Variants in TNRC6A observed in about 807,000 individuals in gnomAD.
The protein encoded by TNRC6A is trinucleotide repeat containing adaptor 6A.
Under a neutral mutation model 221.2 loss-of-function variants are expected in TNRC6A, and 44 were observed. The ratio of observed to expected loss-of-function variants is 0.20; its 90% CI spans 0.16 to 0.26. The LOEUF is 0.26. Among genes scored for constraint, TNRC6A ranks in the 10% least tolerant of loss-of-function variants. The probability of loss-of-function intolerance (pLI) is 1.00; values close to 1 mark genes in which losing one functional copy is unlikely to be tolerated. For synonymous variants in TNRC6A, 847 were observed against 838.5 expected (o/e 1.01, Z -0.18); for missense variants, 2,199 against 2,404.4 (o/e 0.91, Z 1.79).
chr16:24,737,315 T>G lies in TNRC6A; in HGVS notation c.53+7015T>G, dbSNP rs150346184. ...ATCAATAAGAGGAAGATGTTTGAGA[T>G]TCAAAAGGAAGTAATATTCGACTAA... On this transcript the variant is annotated intron_variant, in intron 2 of 24. Coordinates refer to ENST00000395799, the MANE Select transcript of TNRC6A (RefSeq NM_014494.4). Among the ~76,000 whole-genome samples the G allele has an allele frequency of 7.9e-5, 12 of 152,218 alleles. 1 individual carries two copies. The East Asian group carries it at 1.9e-3, about 24-fold the overall frequency.
chr16:24,664,764 C>T (rs1245966219), intron 2 of TNRC6A: 1 of 336,208 alleles, frequency 3.0e-6, no homozygotes, highest in African/African-American at 2.6e-5. Context: ...GCAGTAATCC[C>T]CAAATCACAC....
intron 2 of TNRC6A, among the ~76,000 whole-genome samples, chr16:24,687,754 A>G (rs1190153037): frequency 2.0e-5 from 3 of 151,686 alleles, no homozygotes; most frequent in Non-Finnish European, 4.4e-5. Context: ...AGCTATGATC[A>G]TGTTACTACA....
intron 2 of TNRC6A, among the ~76,000 whole-genome samples, chr16:24,738,259 C>G (rs1028540167): frequency 5.3e-5 from 8 of 152,154 alleles, no homozygotes; most frequent in African/African-American, 1.9e-4. Flanking sequence ...CTTTCAGTTT[C>G]TCTCAACTTT....
Position 24,820,282 on chromosome 16 carries a change from C to T in TNRC6A, c.5224C>T (p.Pro1742Ser). ...RPPPGLTGQK[P>S]PLSTWDNSPL... ...ACCTCCGGGACTGACTGGTCAGAAGCCACCCTTGTCTACGTGGGATAATTC... is the reference window on the plus strand; with the variant it reads ...ACCTCCGGGACTGACTGGTCAGAAGTCACCCTTGTCTACGTGGGATAATTC... The change falls in exon 22 of 25, where the codon CCA (proline) becomes TCA (serine). Residue 1742 changes from proline (P) to serine (S), a missense_variant. This residue lies in a region of TNRC6A where 449 missense variants were observed against 579.7 expected (regional missense o/e 0.77). Coordinates refer to ENST00000395799, the MANE Select transcript of TNRC6A (RefSeq NM_014494.4). 6.2e-7 allele frequency: 1 copy of T among 1,614,180 alleles called. No homozygotes were observed. The highest frequency in any genetic ancestry group is 2.2e-5 in the East Asian group (1 of 44,878).
intron 2 of TNRC6A, among the ~76,000 whole-genome samples, chr16:24,649,886 C>T (rs549846208): frequency 3.8e-5 from 5 of 130,750 alleles, no homozygotes; most frequent in Non-Finnish European, 6.2e-5. Context: ...GACAGTGGCA[C>T]AATTTTGGTT....
At chr16:24,810,176 G>T (rs2058513980) in intron 18 of TNRC6A, among the ~76,000 whole-genome samples, 1 of 152,132 alleles carries the variant, frequency 6.6e-6, no homozygotes, top group Admixed American at 6.5e-5. Context: ...TTATTGCTAT[G>T]TGTAAGTCAT....
intron 5 of TNRC6A, among the ~76,000 whole-genome samples, chr16:24,781,433 G>T (rs1181470234): frequency 2.0e-5 from 3 of 152,116 alleles, no homozygotes; most frequent in Non-Finnish European, 4.4e-5. Context: ...GGAATAGTCT[G>T]TACTTGCAGT....
At chr16:24,642,579 A>G (rs1262425925) in intron 2 of TNRC6A, among the ~76,000 whole-genome samples, 4 of 152,196 alleles carry the variant, frequency 2.6e-5, no homozygotes, top group African/African-American at 9.6e-5. Flanking sequence ...GCACTTTGGG[A>G]GGCCGAGGTG....
At chr16:24,611,504 C>A (rs2141519466) in intron 1 of TNRC6A, among the ~76,000 whole-genome samples, 1 of 152,100 alleles carries the variant, frequency 6.6e-6, no homozygotes, top group African/African-American at 2.4e-5. Context: ...ACAAGGCACT[C>A]GGACCCCAAA....
chr16:24,720,979 C>T (rs570918741), intron 2 of TNRC6A, among the ~76,000 whole-genome samples: 3 of 150,888 alleles, frequency 2.0e-5, no homozygotes, highest in East Asian at 2.0e-4. Context: ...GGCATGAACC[C>T]GGGAGGTGGA....
At chr16:24,771,561 T>TATGTATG (rs1555502085) in intron 4 of TNRC6A, among the ~76,000 whole-genome samples, 1 of 99,182 alleles carries the variant, frequency 1.0e-5, no homozygotes, top group African/African-American at 4.1e-5. Context: ...TATGTTATGT[T>TATGTATG]TTATGTTATG....
chr16:24,823,643 AACT>A lies in TNRC6A; in HGVS notation c.5726_5728del (p.Asn1909_Cys1910delinsSer). The A allele has an allele frequency of 6.2e-7, 1 of 1,613,536 alleles. No individual in the cohort carries two copies. The highest frequency in any genetic ancestry group is 8.5e-7 in the Non-Finnish European group (1 of 1,179,662). On this transcript the variant is annotated inframe_deletion, in exon 25 of 25. Transcript: ENST00000395799. The surrounding 1 kb of genome is among the most constrained non-coding windows in gnomAD (Gnocchi z 4.3). ...GAATGGTGCTGGGCTGTCGGGAACT[AACT>A]GTGGAGACCTTCACGGCACTTCACT...
intron 2 of TNRC6A, among the ~76,000 whole-genome samples, chr16:24,678,092 C>T (rs2055456534): frequency 6.6e-6 from 1 of 151,966 alleles, no homozygotes; most frequent in African/African-American, 2.4e-5. Context: ...GGTGAATTGC[C>T]TGAGCTCAGG....
At chr16:24,799,193 C>T (rs1282247792) in intron 11 of TNRC6A, among the ~76,000 whole-genome samples, 1 of 152,138 alleles carries the variant, frequency 6.6e-6, no homozygotes, top group African/African-American at 2.4e-5. Context: ...CTTCTATTTA[C>T]AAAATGTCAG....
chr16:24,621,558 G>A (rs548880073), intron 1 of TNRC6A, among the ~76,000 whole-genome samples: 13 of 151,710 alleles, frequency 8.6e-5, no homozygotes, highest in African/African-American at 2.4e-4. Flanking sequence ...GGGTTTCATC[G>A]TGTTGTCCAG....
intron 3 of TNRC6A, among the ~76,000 whole-genome samples, chr16:24,751,203 T>A (rs1000952580): frequency 6.6e-6 from 1 of 152,222 alleles, no homozygotes; most frequent in Non-Finnish European, 1.5e-5. Flanking sequence ...TTAGCCTCTC[T>A]GGGCCTTAGT....
At position 24,789,992 on chromosome 16, in the gene TNRC6A, G is replaced by A. The variant is rs758815051; in HGVS notation, c.1350G>A (p.Met450Ile). The change falls in exon 6 of 25, where the codon ATG becomes ATA. Residue 450 changes from methionine to isoleucine, a missense_variant. This residue lies in a region of TNRC6A where 1,405 missense variants were observed against 1,400.2 expected (regional missense o/e 1.00). Transcript: ENST00000395799. ...AACCTCAAAATATTACCACTGAAATGACTGGACCAAATAACACTACTAACT... is the reference window on the plus strand; with the variant it reads ...AACCTCAAAATATTACCACTGAAATAACTGGACCAAATAACACTACTAACT... ...SGQPQNITTE[M>I]TGPNNTTNFM... 12 of 1,614,058 alleles carry A rather than the reference G, an allele frequency of 7.4e-6. No homozygotes were observed. The Admixed American group carries it at 2.0e-4, about 27-fold the overall frequency.
At chr16:24,656,047 G>A (rs1040473890) in intron 2 of TNRC6A, among the ~76,000 whole-genome samples, 1 of 151,438 alleles carries the variant, frequency 6.6e-6, no homozygotes, top group Non-Finnish European at 1.5e-5. Flanking sequence ...GGAGGCTGAG[G>A]CAGGAGGATC....
chr16:24,811,668 C>T (rs1400053394), intron 18 of TNRC6A, among the ~76,000 whole-genome samples: 6 of 150,714 alleles, frequency 4.0e-5, no homozygotes, highest in South Asian at 2.1e-4. Context: ...TTTGCACTTT[C>T]GAATGATGCC....
Sources: gnomAD v4.1 joint callset for allele counts (sites outside exome capture counted in the v4.1 genomes callset) on GRCh38, gnomAD v4.1.1 for gene constraint, gnomAD v4.1.1 regional missense constraint, Gnocchi (gnomAD v3.1) non-coding constraint, MANE v1.5 for transcripts, NCBI Gene and HGNC (gene_info 2026-07-23, HGNC 2026-07-21) for gene names.